Variants in TP63 observed in about 807,000 individuals in gnomAD.
TP63 encodes tumor protein 63.
A neutral mutation model predicts 82.8 loss-of-function variants in TP63; 17 were observed. The observed-to-expected ratio is 0.21, with a 90% confidence interval of 0.14 to 0.31. The LOEUF is 0.31. TP63 is among the 10% of genes least tolerant of loss of function. TP63 has a pLI of 1.00. For missense variants in TP63, 648 were observed against 895.3 expected (o/e 0.72, Z 3.52); for synonymous variants, 330 against 321.7 (o/e 1.03, Z -0.28).
chr3:189,725,739 A>C (rs774895422), intron 1 of TP63, among the ~76,000 whole-genome samples: 1 of 152,190 alleles, frequency 6.6e-6, no homozygotes, highest in Admixed American at 6.5e-5. Context: ...AGTGCAACAC[A>C]TACATAGCCA....
chr3:189,774,015 T>C (rs951347115), intron 3 of TP63, among the ~76,000 whole-genome samples: 6 of 145,572 alleles, frequency 4.1e-5, no homozygotes, highest in East Asian at 2.2e-4. Flanking sequence ...CTCCGCCTCC[T>C]GGGTTCATGC....
chr3:189,603,434 ATACTAT>A, the TP63 span, among the ~76,000 whole-genome samples: 1 of 151,924 alleles, frequency 6.6e-6, no homozygotes, highest in Non-Finnish European at 1.5e-5. Flanking sequence ...CATAGTAGTT[ATACTAT>A]TACTAATTCT....
At chr3:189,677,533 T>C (rs1715547709) in intron 1 of TP63, among the ~76,000 whole-genome samples, 1 of 151,588 alleles carries the variant, frequency 6.6e-6, no homozygotes, top group African/African-American at 2.4e-5. Context: ...ATCTCTGCTA[T>C]TGTGAATAGT....
chr3:189,665,660 A>C (rs904383338), intron 1 of TP63, among the ~76,000 whole-genome samples: 1 of 152,092 alleles, frequency 6.6e-6, no homozygotes, highest in Admixed American at 6.6e-5. Context: ...CACTTCAGCC[A>C]CCTTGTCATG....
chr3:189,749,389 A>C (rs919683759), intron 3 of TP63, among the ~76,000 whole-genome samples: 3 of 152,218 alleles, frequency 2.0e-5, no homozygotes, highest in Non-Finnish European at 4.4e-5. Context: ...AAAAGATATG[A>C]AAAGACATTT....
intron 10 of TP63, among the ~76,000 whole-genome samples, chr3:189,885,963 G>A (rs978809353): frequency 6.6e-6 from 1 of 152,190 alleles, no homozygotes; most frequent in African/African-American, 2.4e-5. Context: ...GCTACAAATG[G>A]AATGCCTTAG....
chr3:189,693,480 T>C (rs923431432), intron 1 of TP63, among the ~76,000 whole-genome samples: 3 of 152,194 alleles, frequency 2.0e-5, no homozygotes, highest in Admixed American at 6.5e-5. Flanking sequence ...TGAATCTTTA[T>C]TTGTGGAATG....
At chr3:189,759,769 A>T (rs1239973873) in intron 3 of TP63, among the ~76,000 whole-genome samples, 1 of 152,192 alleles carries the variant, frequency 6.6e-6, no homozygotes, top group Non-Finnish European at 1.5e-5. Context: ...GACCACCCTC[A>T]GAGAGAGTAG....
chr3:189,674,698 A>G (rs761685807), intron 1 of TP63, among the ~76,000 whole-genome samples: 1 of 152,140 alleles, frequency 6.6e-6, no homozygotes, highest in Non-Finnish European at 1.5e-5. Context: ...GTAGATTCCC[A>G]AAGTGTCAGA....
At chr3:189,692,536 T>G (rs1717016352) in intron 1 of TP63, among the ~76,000 whole-genome samples, 1 of 152,106 alleles carries the variant, frequency 6.6e-6, no homozygotes, top group Non-Finnish European at 1.5e-5. Flanking sequence ...TAGGCAGTAA[T>G]CACAGTGAAA....
At chr3:189,633,668 G>T (rs1409587852) in intron 1 of TP63, among the ~76,000 whole-genome samples, 1 of 152,028 alleles carries the variant, frequency 6.6e-6, no homozygotes, top group Non-Finnish European at 1.5e-5. Context: ...GCAGGGGAGG[G>T]CATGTTGAGA....
chr3:189,791,267 T>C (rs1200210276), intron 3 of TP63, among the ~76,000 whole-genome samples: 1 of 152,126 alleles, frequency 6.6e-6, no homozygotes, highest in Non-Finnish European at 1.5e-5. Context: ...CCTAGGATCT[T>C]GTAAGTCAAA....
At chr3:189,755,440 T>A (rs1722119015) in intron 3 of TP63, among the ~76,000 whole-genome samples, 1 of 152,158 alleles carries the variant, frequency 6.6e-6, no homozygotes, top group Non-Finnish European at 1.5e-5. Context: ...AAAGATTTAA[T>A]AAAACATTTG....
At chr3:189,703,274 A>G (rs1275768082) in intron 1 of TP63, among the ~76,000 whole-genome samples, 2 of 152,142 alleles carry the variant, frequency 1.3e-5, no homozygotes, top group Non-Finnish European at 2.9e-5. Context: ...TCTCTACTAT[A>G]AATAGAAAAA....
At chr3:189,843,073 C>A (rs896101168) in intron 4 of TP63, among the ~76,000 whole-genome samples, 2 of 152,208 alleles carry the variant, frequency 1.3e-5, no homozygotes, top group Admixed American at 1.3e-4. Flanking sequence ...ACAAGGCTGG[C>A]GAGCTCCACC....
At chr3:189,787,975 A>G (rs1360044061) in intron 3 of TP63, among the ~76,000 whole-genome samples, 1 of 152,160 alleles carries the variant, frequency 6.6e-6, no homozygotes, top group South Asian at 2.1e-4. Context: ...GGAATTATGC[A>G]TACCTTTAAG....
intron 1 of TP63, among the ~76,000 whole-genome samples, chr3:189,640,396 C>G (rs1024485177): frequency 2.0e-5 from 3 of 151,968 alleles, no homozygotes; most frequent in Non-Finnish European, 4.4e-5. Flanking sequence ...TTTTAGTACC[C>G]TATAGAGGCT....
At chr3:189,643,713 T>C (rs1037538075) in intron 1 of TP63, among the ~76,000 whole-genome samples, 13 of 152,214 alleles carry the variant, frequency 8.5e-5, no homozygotes, top group Non-Finnish European at 1.6e-4. Flanking sequence ...TTGTCTTAAC[T>C]GAAGGCTTTT....
At chr3:189,618,229 C>G in the TP63 span, among the ~76,000 whole-genome samples, 1 of 152,192 alleles carries the variant, frequency 6.6e-6, no homozygotes, top group Admixed American at 6.5e-5. Context: ...TATATACTTA[C>G]AGGTTTCTTT....
Sources: allele counts gnomAD v4.1 joint callset (sites outside exome capture counted in the v4.1 genomes callset), GRCh38; gene constraint gnomAD v4.1.1; transcripts MANE v1.5; gene names NCBI Gene and HGNC (gene_info 2026-07-23, HGNC 2026-07-21).